Variants in PARP9 observed in about 807,000 individuals in gnomAD.
PARP9 encodes the protein protein mono-ADP-ribosyltransferase PARP9.
In PARP9, 48 loss-of-function variants were observed where a neutral mutation model predicts 68.8. The ratio of observed to expected loss-of-function variants is 0.70; its 90% confidence interval spans 0.55 to 0.89. PARP9 has a LOEUF of 0.89. PARP9 is among the 40% of genes least tolerant of loss of function. The probability of loss-of-function intolerance (pLI) is 0.00; values close to 1 mark genes in which losing one functional copy is unlikely to be tolerated. For missense variants in PARP9, 806 were observed against 969.3 expected (o/e 0.83, Z 2.24); for synonymous variants, 309 against 333.8 (o/e 0.93, Z 0.81).
intron 6 of PARP9, among the ~76,000 whole-genome samples, chr3:122,549,633 T>C (rs1181796518): frequency 2.0e-5 from 3 of 151,690 alleles, no homozygotes; most frequent in African/African-American, 7.3e-5. Flanking sequence ...ATTTAAAAAT[T>C]AGCCAGGCAT....
At chr3:122,534,359 A>T (rs1007850485) in intron 10 of PARP9, 1 of 985,446 alleles carries the variant, frequency 1.0e-6, no homozygotes, top group Non-Finnish European at 1.2e-6. Context: ...GCCACAATAT[A>T]TAAGGAAGAT....
chr3:122,528,573 G>A lies in PARP9; in HGVS notation c.2251C>T (p.Pro751Ser). 3 of 1,614,160 alleles carry A rather than the reference G, an allele frequency of 1.9e-6. No homozygotes were observed. Among genetic ancestry groups the A allele is most frequent in the Non-Finnish European group, 2.5e-6 (3 of 1,180,008 alleles). ...PLNIVPPPLS[P>S]GAIDGHDSVV... ...CTGTCATGACCATCTATAGCTCCAGGACTCAGTGGTGGGGGAACAATATTT... is the reference window on the plus strand; with the variant it reads ...CTGTCATGACCATCTATAGCTCCAGAACTCAGTGGTGGGGGAACAATATTT... Residue 751 changes from proline to serine, a missense_variant, in exon 11 of 11, where the codon CCT becomes TCT. Pro to Ser is a moderately conservative substitution (Grantham distance 74, BLOSUM62 -1). Around this residue, in one of 2 missense-constraint regions of PARP9, gnomAD observed 680 missense variants for 858.8 expected, o/e 0.79. Coordinates refer to ENST00000682323, the MANE Select transcript of PARP9 (RefSeq NM_001146105.2).
At chr3:122,561,008 G>T (rs2080156152) in intron 1 of PARP9, among the ~76,000 whole-genome samples, 1 of 152,190 alleles carries the variant, frequency 6.6e-6, no homozygotes, top group Admixed American at 6.5e-5. Flanking sequence ...TTTAAAAACA[G>T]AAAAGCCTTC....
intron 3 of PARP9, among the ~76,000 whole-genome samples, chr3:122,558,174 G>A (rs1172704052): frequency 1.3e-5 from 2 of 152,242 alleles, no homozygotes; most frequent in Non-Finnish European, 2.9e-5. Context: ...CACCCCATCT[G>A]GTCAATTCAG....
In PARP9 at chr3:122,555,835, TC is replaced by T; in HGVS notation, c.335del (p.Gly112GlufsTer8). 1 of 1,613,850 alleles carries T rather than the reference TC, an allele frequency of 6.2e-7. No individual in the cohort carries two copies. Among genetic ancestry groups the T allele is most frequent in the Non-Finnish European group, 8.5e-7 (1 of 1,179,994 alleles). On this transcript the variant is annotated frameshift_variant, in exon 4 of 11. Transcript: ENST00000682323. LOFTEE classifies it high-confidence loss of function. ...CTTTTACCAGGGCCAGGGCCAGGCC[TC>T]CCCCATGCAGAAGATCTTCATTGGC... ...NAANEDLLHG[G>X]GLALALVKAG...
chr3:122,561,713 C>T (rs963321800), intron 1 of PARP9, among the ~76,000 whole-genome samples: 7 of 152,140 alleles, frequency 4.6e-5, no homozygotes, highest in African/African-American at 9.7e-5. Flanking sequence ...CTGTCTAAGG[C>T]GTTTTTCATC....
chr3:122,556,465 G>A (rs1303568919), intron 3 of PARP9, among the ~76,000 whole-genome samples: 1 of 152,118 alleles, frequency 6.6e-6, no homozygotes, highest in African/African-American at 2.4e-5. Flanking sequence ...ATATAAAAGT[G>A]GCGAGCTTAG....
At chr3:122,547,126 T>G (rs1409598502) in intron 6 of PARP9, among the ~76,000 whole-genome samples, 2 of 146,510 alleles carry the variant, frequency 1.4e-5, no homozygotes, top group Admixed American at 1.4e-4. Context: ...TTTTTTTTTT[T>G]TGAGATGGCC....
rs759523996 is a variant in PARP9 at position 122,556,047 on chromosome 3, T to A, written c.124A>T (p.Asn42Tyr). Residue 42 changes from asparagine to tyrosine, a missense_variant, in exon 4 of 11, where the codon AAT becomes TAT. By Grantham distance (143) the Asn-to-Tyr change is moderately radical. This residue lies in a region of PARP9 where 126 missense variants were observed against 110.5 expected (regional missense o/e 1.14). Coordinates refer to ENST00000682323, the MANE Select transcript of PARP9 (RefSeq NM_001146105.2). ...NHNDFKILKN[N>Y]ERQLCEVLQN... ...AGGACTTCACACAGCTGACGCTCAT[T>A]ATTTTTTAAAATTTTGAAGTCATTG... The A allele has an allele frequency of 1.2e-6, 2 of 1,612,762 alleles. No homozygotes were observed. Among genetic ancestry groups the A allele is most frequent in the East Asian group, 4.5e-5 (2 of 44,834 alleles).
chr3:122,539,709 G>A (rs1302328572), intron 8 of PARP9, among the ~76,000 whole-genome samples: 3 of 151,566 alleles, frequency 2.0e-5, no homozygotes, highest in African/African-American at 4.9e-5. Flanking sequence ...TACAAGCATG[G>A]GCCACCATGC....
chr3:122,536,461 C>T lies in PARP9; in HGVS notation c.1906-119G>A, dbSNP rs191570438. 2.1e-3 allele frequency: 3,038 copies of T among 1,451,952 alleles called. 6 individuals are homozygous for T. The highest frequency in any genetic ancestry group is 2.6e-3 in the Non-Finnish European group (2,885 of 1,104,990). The allele number at this position is 1,451,952 out of a possible 1,614,324, so 89.9% of individuals were successfully genotyped here. A position where few individuals can be genotyped will look rare whatever the true frequency, so the allele number is the denominator to read the frequency against. On this transcript the variant is annotated intron_variant, in intron 9 of 10. Coordinates refer to ENST00000682323, the MANE Select transcript of PARP9 (RefSeq NM_001146105.2). ...GCATAATACTACTTTGCATGCAATTCGCTTTTCATAGAAAGTTGCAAAAGA... is the reference window on the plus strand; with the variant it reads ...GCATAATACTACTTTGCATGCAATTTGCTTTTCATAGAAAGTTGCAAAAGA...
chr3:122,545,696 A>G, intron 6 of PARP9: 1 of 548,078 alleles, frequency 1.8e-6, no homozygotes, highest in Admixed American at 3.4e-5. Flanking sequence ...CATAGGAAAA[A>G]TGGAGATGAA....
chr3:122,547,013 T>C (rs12493873), intron 6 of PARP9, among the ~76,000 whole-genome samples: 5,131 of 59,834 alleles, frequency 0.086, 230 homozygotes, highest in African/African-American at 0.15. Flanking sequence ...TATATATATA[T>C]ACACACACAC....
intron 7 of PARP9, 77 bp downstream of exon 7, chr3:122,545,355 G>A (rs1001783787): frequency 2.2e-5 from 31 of 1,441,278 alleles, no homozygotes; most frequent in African/African-American, 9.8e-5. Context: ...TCTCCCCTCC[G>A]TTAGTTCAGA....
chr3:122,544,509 T>C (rs1198475720), intron 7 of PARP9, among the ~76,000 whole-genome samples: 1 of 152,126 alleles, frequency 6.6e-6, no homozygotes, highest in African/African-American at 2.4e-5. Context: ...CCACTGAACA[T>C]TCCATCTCAG....
rs1175289252 is a variant in PARP9, at chr3:122,532,191, A to G, written c.2081-3448T>C. The stretch of plus-strand genomic sequence containing the variant: ...CAAGACCCTGCATTCAGCTTGGAGG[A>G]TGAACATGCTCAAAAATTTCCTGTG... On this transcript the variant is annotated intron_variant, in intron 10 of 10. Coordinates refer to ENST00000682323, the MANE Select transcript of PARP9 (RefSeq NM_001146105.2). 4 of 985,350 alleles carry G rather than the reference A, an allele frequency of 4.1e-6. No homozygotes were observed. In the East Asian group the frequency reaches 4.5e-4, roughly 112 times the overall value. The allele number at this position is 985,350 out of a possible 1,614,324, so 61.0% of individuals were successfully genotyped here. A position where few individuals can be genotyped will look rare whatever the true frequency, so the allele number is the denominator to read the frequency against.
intron 8 of PARP9, 21 bp downstream of exon 8, chr3:122,540,451 A>G (rs190085901): frequency 7.8e-4 from 1,250 of 1,605,424 alleles, no homozygotes; most frequent in Non-Finnish European, 1.0e-3. Context: ...TTACTTTCTA[A>G]TTTGATAGAA....
intron 1 of PARP9, 124 bp downstream of exon 1, chr3:122,564,121 T>A (rs956407471): frequency 1.8e-5 from 7 of 394,798 alleles, no homozygotes; most frequent in African/African-American, 1.5e-4. Context: ...TTTCTTTGCA[T>A]AGTCTACTCA....
chr3:122,553,255 G>A lies in PARP9; in HGVS notation c.886-616C>T, dbSNP rs1357729145. On this transcript the variant is annotated intron_variant, in intron 4 of 10. Coordinates refer to ENST00000682323, the MANE Select transcript of PARP9 (RefSeq NM_001146105.2). The stretch of plus-strand genomic sequence containing the variant: ...TTCTTCATCTCTCTCTTCAGAAATA[G>A]ACTGTACATATACATGAGCTGTACT... Among the ~76,000 whole-genome samples, 5 of 152,100 alleles carry A rather than the reference G, an allele frequency of 3.3e-5. No homozygotes were observed. The East Asian group carries it at 9.7e-4, about 29-fold the overall frequency.
Sources: gnomAD v4.1 joint callset for allele counts (sites outside exome capture counted in the v4.1 genomes callset) on GRCh38, gnomAD v4.1.1 for gene constraint, gnomAD v4.1.1 regional missense constraint, MANE v1.5 for transcripts, NCBI Gene and HGNC (gene_info 2026-07-23, HGNC 2026-07-21) for gene names.